The following PCDH15 variants were observed in gnomAD, a reference collection of about 807,000 sequenced individuals.
The protein encoded by PCDH15 is protocadherin-15.
A neutral mutation model predicts 178.5 loss-of-function variants in PCDH15; 129 were observed. That is an observed-to-expected ratio of 0.72 (90% CI 0.63 to 0.84). The LOEUF (loss-of-function observed/expected upper bound fraction) is 0.84, where lower values mean the gene tolerates loss of function less well. Ranked by LOEUF, PCDH15 falls within the 40% of genes least tolerant of loss-of-function variation. PCDH15 has a pLI of 0.00. For synonymous variants in PCDH15, 800 were observed against 732.0 expected (o/e 1.09, Z -1.50); for missense variants, 2,230 against 2,099.9 (o/e 1.06, Z -1.21).
intron 15 of PCDH15, among the ~76,000 whole-genome samples, chr10:54,101,943 C>G (rs1483045843): frequency 1.3e-5 from 2 of 152,002 alleles, no homozygotes; most frequent in Non-Finnish European, 2.9e-5. Flanking sequence ...CCACTACACT[C>G]CAGCCTGGGC....
chr10:54,438,372 G>A (rs1280585682), intron 3 of PCDH15, among the ~76,000 whole-genome samples: 1 of 132,222 alleles, frequency 7.6e-6, no homozygotes, highest in East Asian at 2.4e-4. Context: ...TAAGTTCTTT[G>A]TAACTCTGTG....
intron 8 of PCDH15, among the ~76,000 whole-genome samples, chr10:54,290,946 T>C (rs1316697881): frequency 6.6e-6 from 1 of 152,188 alleles, no homozygotes; most frequent in Non-Finnish European, 1.5e-5. Flanking sequence ...ACAATAATAA[T>C]GGGAGACTTT....
chr10:53,884,746 G>A (rs2080971826), intron 26 of PCDH15, among the ~76,000 whole-genome samples: 1 of 152,112 alleles, frequency 6.6e-6, no homozygotes, highest in Non-Finnish European at 1.5e-5. Context: ...ACACAGAGTT[G>A]CTTGTATCCT....
chr10:54,597,243 C>A (rs770859406), intron 2 of PCDH15, among the ~76,000 whole-genome samples: 2 of 151,940 alleles, frequency 1.3e-5, no homozygotes, highest in Admixed American at 6.6e-5. Context: ...ATCATACCAA[C>A]CACTCTCTTG....
At chr10:55,292,199 C>T (rs901482875) in intron 1 of PCDH15, among the ~76,000 whole-genome samples, 2 of 152,124 alleles carry the variant, frequency 1.3e-5, no homozygotes, top group Non-Finnish European at 2.9e-5. Context: ...GTCCCTTCTG[C>T]CTATAAGCCT....
In PCDH15 at chr10:55,530,514, C is replaced by A. The variant is rs544754635; in HGVS notation, c.-156+97111G>T. 6.6e-5 allele frequency among the ~76,000 whole-genome samples: 10 copies of A among 152,048 alleles called. No homozygotes were observed. In the South Asian group the frequency reaches 1.9e-3, roughly 28 times the overall value. On this transcript the variant is annotated intron_variant, in intron 2 of 5. Transcript: ENST00000613346. Reference sequence around the variant, plus strand: ...GTAGGATGACTATGATTTTGCTTTGCTCAGCTATGTTCTTTAAATTATTAG... The same window carrying A: ...GTAGGATGACTATGATTTTGCTTTGATCAGCTATGTTCTTTAAATTATTAG...
intron 1 of PCDH15, among the ~76,000 whole-genome samples, chr10:54,798,336 C>G (rs1365320972): frequency 1.3e-5 from 2 of 152,022 alleles, no homozygotes; most frequent in African/African-American, 4.8e-5. Flanking sequence ...TCCACATTCT[C>G]TCATGCTATA....
At chr10:54,303,759 C>T (rs73243262) in intron 8 of PCDH15, among the ~76,000 whole-genome samples, 5,129 of 152,246 alleles carry the variant, frequency 0.034, 288 homozygotes, top group African/African-American at 0.12. Flanking sequence ...AGCAACCAGA[C>T]TGACAAATAA....
chr10:54,753,852 T>G (rs1316529603), intron 1 of PCDH15, among the ~76,000 whole-genome samples: 2 of 48,390 alleles, frequency 4.1e-5, no homozygotes, highest in African/African-American at 9.9e-5. Context: ...CAAATCCTTT[T>G]TCTATTGTTT....
At chr10:55,415,884 T>A (rs1040004028) in intron 2 of PCDH15, among the ~76,000 whole-genome samples, 1 of 151,702 alleles carries the variant, frequency 6.6e-6, no homozygotes, top group Non-Finnish European at 1.5e-5. Flanking sequence ...TTTGAGGTTG[T>A]TCCATGAAAA....
At chr10:54,621,937 G>C (rs1565773371) in intron 2 of PCDH15, among the ~76,000 whole-genome samples, 1 of 152,034 alleles carries the variant, frequency 6.6e-6, no homozygotes, top group Non-Finnish European at 1.5e-5. Context: ...AGAAAGGAAA[G>C]AAGAGGTATT....
chr10:53,969,074 T>C lies in PCDH15; in HGVS notation c.2869-7182A>G, dbSNP rs7475560. On this transcript the variant is annotated intron_variant, in intron 21 of 37. Transcript: ENST00000644397. ...CAAACTTCTCCGAGCTAAAGGAGGA[T>C]GTTTGAACCCACCACAAAGAAGCTA... Among the ~76,000 whole-genome samples the C allele has an allele frequency of 5.1e-3, 778 of 152,220 alleles. 7 individuals carry two copies. The highest frequency in any genetic ancestry group is 0.018 in the African/African-American group (727 of 41,528).
At position 53,922,582 on chromosome 10, in the gene PCDH15, T is replaced by G. The variant is rs115285280; in HGVS notation, c.3373+16233A>C. ...TCTCTGCTTTTCTATTAAGGTAATTTTAAATGGGAACAACTTAATGGTTTA... is the reference window on the plus strand; with the variant it reads ...TCTCTGCTTTTCTATTAAGGTAATTGTAAATGGGAACAACTTAATGGTTTA... On this transcript the variant is annotated intron_variant, in intron 25 of 37. Transcript: ENST00000644397. Among the ~76,000 whole-genome samples, 561 of 152,318 alleles carry G rather than the reference T, an allele frequency of 3.7e-3. 1 individual carries two copies. Among genetic ancestry groups the G allele is most frequent in the African/African-American group, 0.013 (547 of 41,570 alleles).
chr10:55,145,666 C>T (rs1838487355), intron 2 of PCDH15, among the ~76,000 whole-genome samples: 2 of 151,910 alleles, frequency 1.3e-5, no homozygotes, highest in Admixed American at 1.3e-4. Context: ...TATCATTAGT[C>T]ATATCATTCT....
At chr10:54,716,863 T>C (rs2132437707) in intron 1 of PCDH15, among the ~76,000 whole-genome samples, 1 of 148,320 alleles carries the variant, frequency 6.7e-6, no homozygotes, top group East Asian at 2.0e-4. Flanking sequence ...CAAACTATAC[T>C]ACAAGGCTAC....
intron 2 of PCDH15, among the ~76,000 whole-genome samples, chr10:55,558,570 A>T (rs886162129): frequency 3.9e-5 from 6 of 152,162 alleles, no homozygotes; most frequent in Non-Finnish European, 7.4e-5. Flanking sequence ...TATTTATAAA[A>T]ATAATGTATA....
At chr10:54,494,225 TATAATAATAAA>T (rs2079897567) in intron 3 of PCDH15, among the ~76,000 whole-genome samples, 1 of 151,912 alleles carries the variant, frequency 6.6e-6, no homozygotes, top group Admixed American at 6.6e-5. Flanking sequence ...ACCCTAAAAG[TATAATAATAAA>T]ATAATAATAA....
At chr10:54,846,203 A>G (rs894836586) in intron 3 of PCDH15, among the ~76,000 whole-genome samples, 4 of 152,158 alleles carry the variant, frequency 2.6e-5, no homozygotes, top group East Asian at 1.9e-4. Context: ...TAATGTTTCA[A>G]TGTAATAAAA....
chr10:55,437,366 C>A (rs905357072), intron 2 of PCDH15, among the ~76,000 whole-genome samples: 9 of 152,202 alleles, frequency 5.9e-5, no homozygotes, highest in Admixed American at 5.9e-4. Flanking sequence ...ATTCTCCACA[C>A]CTAAGTGAAA....
Sources: gnomAD v4.1 joint callset for allele counts (sites outside exome capture counted in the v4.1 genomes callset) on GRCh38, gnomAD v4.1.1 for gene constraint, MANE v1.5 for transcripts, NCBI Gene and HGNC (gene_info 2026-07-23, HGNC 2026-07-21) for gene names.